CFAP69: variants seen among roughly 807,000 people sequenced by gnomAD.
The protein encoded by CFAP69 is cilia and flagella associated protein 69.
CFAP69 carries 92 observed loss-of-function variants against 123.0 expected under a neutral mutation model. The observed-to-expected ratio is 0.75, with a 90% CI of 0.63 to 0.89. The LOEUF is 0.89. Ranked by LOEUF, CFAP69 falls within the 40% of genes least tolerant of loss-of-function variation. The pLI, the probability that CFAP69 is intolerant of heterozygous loss-of-function variation, is 0.00. For synonymous variants in CFAP69, 380 were observed against 364.3 expected, an observed-to-expected ratio of 1.04 and a Z score of -0.49; for missense variants, 1,067 against 1,096.9, an observed-to-expected ratio of 0.97 and a Z score of 0.39.
intron 21 of CFAP69, 78 bp downstream of exon 21, chr7:90,307,932 C>T (rs1793849980): frequency 1.1e-6 from 1 of 908,432 alleles, no homozygotes; most frequent in Non-Finnish European, 1.7e-6. Context: ...AACAAATATT[C>T]ATTCATTTTT....
At chr7:90,261,880 A>G in intron 3 of CFAP69, 67 bp from the exon 4 acceptor site, 1 of 806,996 alleles carries the variant, frequency 1.2e-6, no homozygotes, top group Non-Finnish European at 1.8e-6. Flanking sequence ...CTTCACAGAA[A>G]TACTATAAAG....
At chr7:90,264,475 T>C (rs1460691335) in intron 4 of CFAP69, among the ~76,000 whole-genome samples, 1 of 151,998 alleles carries the variant, frequency 6.6e-6, no homozygotes, top group East Asian at 1.9e-4. Context: ...AAAAATGCAC[T>C]GATCTCTAAG....
Position 90,258,103 on chromosome 7 carries a change from C to T in CFAP69, c.186C>T (p.Gly62=). The T allele has an allele frequency of 1.2e-6, 2 of 1,610,686 alleles. No individual in the cohort carries two copies. Among genetic ancestry groups the T allele is most frequent in the Non-Finnish European group, 8.5e-7 (1 of 1,178,352 alleles). Residue 62 remains glycine (G), a synonymous_variant, in exon 3 of 23, where the codon GGC becomes GGT. Coordinates refer to ENST00000389297, the MANE Select transcript of CFAP69 (RefSeq NM_001039706.3). ...IKLLEETDKD[G]LEEKQLKFVK... The stretch of plus-strand genomic sequence containing the variant: ...AAATAGGTGATCTGTTTTAGGATGG[C>T]TTGGAAGAAAAACAACTTAAATTTG...
chr7:90,264,076 G>A (rs191729697), intron 4 of CFAP69, among the ~76,000 whole-genome samples: 1 of 115,724 alleles, frequency 8.6e-6, no homozygotes, highest in Admixed American at 1.1e-4. Flanking sequence ...GGGCGACAGA[G>A]CAAGACTCCA....
At chr7:90,297,578 C>T (rs962130685) in intron 15 of CFAP69, among the ~76,000 whole-genome samples, 171 bp from the exon 16 acceptor site, 7 of 152,046 alleles carry the variant, frequency 4.6e-5, no homozygotes, top group African/African-American at 1.2e-4. Flanking sequence ...AACTGAACAA[C>T]GCTGGTAAAG....
intron 6 of CFAP69, among the ~76,000 whole-genome samples, chr7:90,270,766 G>A (rs574939233): frequency 3.9e-5 from 6 of 152,270 alleles, no homozygotes; most frequent in African/African-American, 1.4e-4. Context: ...CTCAGTAAAT[G>A]AGGACCCTTT....
intron 15 of CFAP69, among the ~76,000 whole-genome samples, chr7:90,290,858 G>A (rs1396595652): frequency 6.7e-6 from 1 of 149,552 alleles, no homozygotes; most frequent in African/African-American, 2.5e-5. Flanking sequence ...GGGGACACAG[G>A]AAAGTGACCA....
chr7:90,310,085 A>G lies in CFAP69; in HGVS notation c.2673A>G (p.Val891=). 4 of 1,611,196 alleles carry G rather than the reference A, an allele frequency of 2.5e-6. No individual in the cohort carries two copies. The highest frequency in any genetic ancestry group is 3.4e-6 in the Non-Finnish European group (4 of 1,178,158). The change falls in exon 23 of 23, where the codon GTA becomes GTG. Residue 891 remains valine, a synonymous_variant. Transcript: ENST00000389297. ...CTTTTTAGGTGCCCTCTGGTGGAGT[A>G]GTAACAGTGGAAAGCACTCCTGCCC... The part of the protein sequence containing the change: ...GLNTTVPSGG[V]VTVESTPARL...
chr7:90,288,287 C>T lies in CFAP69; in HGVS notation c.1710C>T (p.Asp570=). 1 of 1,612,076 alleles carries T rather than the reference C, an allele frequency of 6.2e-7. No individual in the cohort carries two copies. The highest frequency in any genetic ancestry group is 1.3e-5 in the African/African-American group (1 of 74,930). Residue 570 remains aspartate (D), a synonymous_variant, in exon 15 of 23, where the codon GAC becomes GAT. Coordinates refer to ENST00000389297, the MANE Select transcript of CFAP69 (RefSeq NM_001039706.3). ...VDIVLHVMKT[D]PRKLQSGLGY... ...TCGTTCTTCATGTGATGAAAACAGACCCCAGGAAGTTACAGAGTGGCTTAG... is the reference window on the plus strand; with the variant it reads ...TCGTTCTTCATGTGATGAAAACAGATCCCAGGAAGTTACAGAGTGGCTTAG...
At chr7:90,275,591 T>G (rs986975721) in intron 9 of CFAP69, among the ~76,000 whole-genome samples, 313 of 15,778 alleles carry the variant, frequency 0.02, 14 homozygotes, top group African/African-American at 0.082. Flanking sequence ...GCCAAAAGCC[T>G]TTTTTTTTTT....
At chr7:90,287,085 GAA>G (rs34727700) in intron 14 of CFAP69, among the ~76,000 whole-genome samples, 20,608 of 107,110 alleles carry the variant, frequency 0.19, 1,773 homozygotes, top group Admixed American at 0.25. Context: ...GACTCCATCT[GAA>G]AAAAAAAAAA....
intron 1 of CFAP69, among the ~76,000 whole-genome samples, chr7:90,249,523 C>T (rs1186246811): frequency 2.0e-5 from 3 of 152,120 alleles, no homozygotes; most frequent in African/African-American, 7.2e-5. Context: ...TGGCTTCCTA[C>T]AGGAAGGTAG....
intron 15 of CFAP69, among the ~76,000 whole-genome samples, chr7:90,292,355 C>G (rs1347298038): frequency 6.6e-6 from 1 of 152,140 alleles, no homozygotes; most frequent in Non-Finnish European, 1.5e-5. Flanking sequence ...TACCACAGGC[C>G]AGGAACCCTA....
intron 1 of CFAP69, among the ~76,000 whole-genome samples, chr7:90,253,539 C>A (rs983814144): frequency 6.6e-6 from 1 of 151,962 alleles, no homozygotes; most frequent in Non-Finnish European, 1.5e-5. Context: ...TACAGGTGCC[C>A]GCCATCACAC....
chr7:90,320,196 A>G, the CFAP69 span, among the ~76,000 whole-genome samples: 1 of 152,220 alleles, frequency 6.6e-6, no homozygotes, highest in East Asian at 1.9e-4. Flanking sequence ...GTAACATAGG[A>G]AGTATTTTGT....
At chr7:90,305,965 C>A (rs1793527278) in intron 19 of CFAP69, among the ~76,000 whole-genome samples, 1 of 135,008 alleles carries the variant, frequency 7.4e-6, no homozygotes. Context: ...TTTTTTGAGG[C>A]AGAGTCTCAT....
intron 16 of CFAP69, among the ~76,000 whole-genome samples, chr7:90,299,492 G>A (rs1006202310): frequency 6.6e-6 from 1 of 151,992 alleles, no homozygotes; most frequent in African/African-American, 2.4e-5. Context: ...CCTTAATAAA[G>A]CATATAAATT....
At chr7:90,247,678 T>G (rs1468545062) in intron 1 of CFAP69, among the ~76,000 whole-genome samples, 1 of 152,024 alleles carries the variant, frequency 6.6e-6, no homozygotes, top group Non-Finnish European at 1.5e-5. Context: ...AAACCCCGTC[T>G]CTACTAAAAA....
At chr7:90,265,484 G>A in intron 5 of CFAP69, 107 bp downstream of exon 5, 1 of 678,352 alleles carries the variant, frequency 1.5e-6, no homozygotes, top group East Asian at 2.7e-5. Context: ...CCTTCTCCAT[G>A]TCTAGGATCT....
Sources: gnomAD v4.1 joint callset for allele counts (sites outside exome capture counted in the v4.1 genomes callset) on GRCh38, gnomAD v4.1.1 for gene constraint, MANE v1.5 for transcripts, NCBI Gene and HGNC (gene_info 2026-07-23, HGNC 2026-07-21) for gene names.